The following MGST2 variants were observed in gnomAD, a reference collection of about 807,000 sequenced individuals.
MGST2 encodes the protein microsomal glutathione S-transferase 2, also known as glutathione peroxidase MGST2.
Under a neutral mutation model 16.6 loss-of-function variants are expected in MGST2, and 9 were observed. That is an observed-to-expected ratio of 0.54 (90% CI 0.33 to 0.95). The LOEUF is 0.95. Ranked by LOEUF, MGST2 falls within the 40% of genes least tolerant of loss-of-function variation. The pLI, the probability that MGST2 is intolerant of heterozygous loss-of-function variation, is 0.03. For synonymous variants in MGST2, 79 were observed against 68.0 expected, an observed-to-expected ratio of 1.16 and a Z score of -0.79; for missense variants, 159 against 175.1, an observed-to-expected ratio of 0.91 and a Z score of 0.52.
downstream of MGST2, among the ~76,000 whole-genome samples, chr4:139,708,535 T>G (rs1727608683): frequency 1.3e-5 from 2 of 152,206 alleles, no homozygotes; most frequent in African/African-American, 4.8e-5. Flanking sequence ...AGGATTGACT[T>G]GGTGATGTGG....
downstream of MGST2, among the ~76,000 whole-genome samples, chr4:139,742,439 G>A (rs1300287995): frequency 6.6e-6 from 1 of 152,142 alleles, no homozygotes; most frequent in African/African-American, 2.4e-5. Context: ...GAGAGCCACC[G>A]CACCTGGCCG....
At chr4:139,699,930 G>T (rs1727144926) in intron 3 of MGST2, among the ~76,000 whole-genome samples, 1 of 152,006 alleles carries the variant, frequency 6.6e-6, no homozygotes, top group South Asian at 2.1e-4. Flanking sequence ...TACTTGGGAG[G>T]CTGAGGTGAG....
At chr4:139,677,258 C>T (rs1291195417) in intron 1 of MGST2, among the ~76,000 whole-genome samples, 4 of 152,206 alleles carry the variant, frequency 2.6e-5, no homozygotes, top group Admixed American at 6.5e-5. Flanking sequence ...GTGACATAGC[C>T]TCAGGAGGTC....
At chr4:139,666,177 G>A (rs1730340896) in intron 1 of MGST2, 100 bp downstream of exon 1, 12 of 1,281,668 alleles carry the variant, frequency 9.4e-6, no homozygotes, top group Non-Finnish European at 1.3e-5. Context: ...AGATGGGTCC[G>A]GTGTTTTGTT....
chr4:139,676,323 T>G (rs1444282074), intron 1 of MGST2, among the ~76,000 whole-genome samples: 11 of 152,212 alleles, frequency 7.2e-5, no homozygotes. Context: ...TGGATACTCT[T>G]GTGAGTCAGG....
intron 3 of MGST2, among the ~76,000 whole-genome samples, chr4:139,701,844 G>A (rs1727266300): frequency 6.6e-6 from 1 of 152,058 alleles, no homozygotes; most frequent in African/African-American, 2.4e-5. Flanking sequence ...GCATACACCA[G>A]TGGTCCCAGC....
chr4:139,683,919 G>GTTTT (rs34222679), intron 2 of MGST2, among the ~76,000 whole-genome samples: 27 of 92,410 alleles, frequency 2.9e-4, no homozygotes, highest in Non-Finnish European at 4.7e-4. Context: ...TCAGTTTTGT[G>GTTTT]TTTTTTTTTT....
At chr4:139,689,838 C>T (rs542668734) in intron 2 of MGST2, among the ~76,000 whole-genome samples, 1 of 152,106 alleles carries the variant, frequency 6.6e-6, no homozygotes, top group Admixed American at 6.6e-5. Context: ...TCGTTGGACA[C>T]GGTCAAATAG....
At chr4:139,692,039 C>A (rs1726640179) in intron 2 of MGST2, among the ~76,000 whole-genome samples, 1 of 152,098 alleles carries the variant, frequency 6.6e-6, no homozygotes, top group African/African-American at 2.4e-5. Flanking sequence ...AAGAAATGGG[C>A]AAAGTCTCAT....
chr4:139,734,226 C>A (rs1228537114), intron 5 of MGST2, among the ~76,000 whole-genome samples: 1 of 152,220 alleles, frequency 6.6e-6, no homozygotes. Flanking sequence ...GAGAAATAGT[C>A]TGTCAAATTT....
intron 5 of MGST2, among the ~76,000 whole-genome samples, chr4:139,738,801 CTG>C (rs778135087): frequency 3.3e-5 from 5 of 152,142 alleles, no homozygotes; most frequent in Non-Finnish European, 7.4e-5. Flanking sequence ...AAGGTAACCA[CTG>C]TTAATATTTT....
At chr4:139,744,558 A>G (rs1037201462), downstream of MGST2, among the ~76,000 whole-genome samples, 9 of 151,992 alleles carry the variant, frequency 5.9e-5, no homozygotes, top group African/African-American at 9.7e-5. Context: ...TGGCGTGTAT[A>G]TTTTGCTATT....
chr4:139,727,461 G>A (rs558507001), intron 5 of MGST2, among the ~76,000 whole-genome samples: 1 of 152,340 alleles, frequency 6.6e-6, no homozygotes, highest in South Asian at 2.1e-4. Context: ...GTGGGGGACT[G>A]AGGGTGTATC....
chr4:139,672,307 A>T (rs1730736987), intron 1 of MGST2, among the ~76,000 whole-genome samples: 1 of 152,200 alleles, frequency 6.6e-6, no homozygotes, highest in African/African-American at 2.4e-5. Context: ...AAACAAGAAG[A>T]CTTGCCAAGT....
chr4:139,733,513 C>T (rs981953319), intron 5 of MGST2, among the ~76,000 whole-genome samples: 15 of 149,702 alleles, frequency 1.0e-4, no homozygotes, highest in African/African-American at 2.0e-4. Context: ...ACTTTTTGCC[C>T]GTGTCTTCCT....
At chr4:139,725,912 G>C in intron 5 of MGST2, 2 of 1,213,788 alleles carry the variant, frequency 1.6e-6, no homozygotes, top group Non-Finnish European at 2.4e-6. Flanking sequence ...CAGCAGTTCC[G>C]AGGAAGGTAG....
chr4:139,728,498 C>T (rs955177603), intron 5 of MGST2, among the ~76,000 whole-genome samples: 4 of 152,210 alleles, frequency 2.6e-5, no homozygotes, highest in African/African-American at 7.2e-5. Context: ...ATTATTAAAA[C>T]CTAATCTGGC....
chr4:139,669,882 T>C (rs1730579412), intron 1 of MGST2, among the ~76,000 whole-genome samples: 1 of 152,196 alleles, frequency 6.6e-6, no homozygotes, highest in African/African-American at 2.4e-5. Flanking sequence ...TGAGTGGTAG[T>C]AAACAATTAT....
chr4:139,668,558 A>G (rs1052091391), intron 1 of MGST2, among the ~76,000 whole-genome samples: 1 of 148,380 alleles, frequency 6.7e-6, no homozygotes, highest in Non-Finnish European at 1.5e-5. Flanking sequence ...CTTAAGTGTT[A>G]GATTTTTTAA....
Sources: allele counts gnomAD v4.1 joint callset (sites outside exome capture counted in the v4.1 genomes callset), GRCh38; gene constraint gnomAD v4.1.1; transcripts MANE v1.5; gene names NCBI Gene and HGNC (gene_info 2026-07-23, HGNC 2026-07-21).